The following FOXQ1 variants were observed in gnomAD, a reference collection of about 807,000 sequenced individuals.
FOXQ1 encodes the protein forkhead box Q1.
Under a neutral mutation model 0.6 loss-of-function variants are expected in FOXQ1, and 1 was observed. That is an observed-to-expected ratio of 1.73 (90% CI 0.61 to 8.20). The LOEUF is 8.20. Among genes scored for constraint, FOXQ1 ranks in the 30% most tolerant of loss-of-function variants. The pLI is 0.13. For synonymous variants in FOXQ1, 377 were observed against 294.4 expected (o/e 1.28, Z -2.87); for missense variants, 734 against 595.6 (o/e 1.23, Z -2.42).
Position 1,313,567 on chromosome 6 carries a change from A to G in FOXQ1, c.863A>G (p.Asp288Gly). ...CCCTTCCGCAGCCGCCGCCTCAGGG[A>G]CACGGCCCCCGGGACGACGCTTCAG... ...RKPFRSRRLR[D>G]TAPGTTLQWG... Residue 288 changes from aspartate to glycine, a missense_variant, in exon 1 of 1, where the codon GAC (aspartate) becomes GGC (glycine). By Grantham distance (94) the Asp-to-Gly change is moderately conservative (BLOSUM62 -1). Coordinates refer to ENST00000296839, the MANE Select transcript of FOXQ1 (RefSeq NM_033260.4). The surrounding 1 kb of genome is among the most constrained non-coding windows in gnomAD (Gnocchi z 5.2). The G allele has an allele frequency of 8.1e-7, 1 of 1,241,752 alleles. No homozygotes were observed. The highest frequency in any genetic ancestry group is 1.0e-6 in the Non-Finnish European group (1 of 974,926). The allele number at this position is 1,241,752 out of a possible 1,614,324, so 76.9% of individuals were successfully genotyped here.
In FOXQ1 at chr6:1,314,722, TA is replaced by T. The variant is rs1374136298; in HGVS notation, c.*807del. 6.0e-6 allele frequency: 1 copy of T among 166,698 alleles called. No individual in the cohort carries two copies. The highest frequency in any genetic ancestry group is 6.5e-5 in the Admixed American group (1 of 15,294). The allele number at this position is 166,698 out of a possible 1,614,324, so 10.3% of individuals were successfully genotyped here. A position where few individuals can be genotyped will look rare whatever the true frequency, so the allele number is the denominator to read the frequency against. ...TTTTATGAAACCCAAGCATAGTGCT[TA>T]TTTTTTAATAAAACAACTGACTTAA... On this transcript the variant is annotated 3_prime_UTR_variant, in exon 1 of 1. Coordinates refer to ENST00000296839, the MANE Select transcript of FOXQ1 (RefSeq NM_033260.4).
rs1375498330 is a variant in FOXQ1, at chr6:1,312,766, A to G, written c.62A>G (p.Glu21Gly). ...GGGGACAAGCAGGGCAGTGACCTGG[A>G]GGGCGCGGGCGGCAGCGACGCGCCG... ...AHGDKQGSDLEGAGGSDAPSP... is the reference protein window; with the variant it reads ...AHGDKQGSDLGGAGGSDAPSP... The change falls in exon 1 of 1, where the codon GAG becomes GGG. Residue 21 changes from glutamate to glycine, a missense_variant. Transcript: ENST00000296839. The G allele has an allele frequency of 3.0e-6, 4 of 1,324,192 alleles. No homozygotes were observed. Among genetic ancestry groups the G allele is most frequent in the East Asian group, 6.2e-5 (2 of 32,392 alleles). The allele number at this position is 1,324,192 out of a possible 1,614,324, so 82.0% of individuals were successfully genotyped here.
Position 1,313,373 on chromosome 6 carries a change from C to G in FOXQ1, c.669C>G (p.Pro223=). The change falls in exon 1 of 1, where the codon CCC becomes CCG. Residue 223 remains proline (P), a synonymous_variant. Coordinates refer to ENST00000296839, the MANE Select transcript of FOXQ1 (RefSeq NM_033260.4). This position sits in a 1 kb window ranked among gnomAD's most constrained non-coding sequence, Gnocchi z 5.2. The part of the protein sequence containing the change: ...RKRLSHRAPV[P]APGLRPEEAP... ...GCCTCAGCCACCGCGCGCCGGTCCC[C>G]GCGCCCGGGCTGCGGCCCGAGGAGG... The G allele has an allele frequency of 6.8e-7, 1 of 1,470,790 alleles. No homozygotes were observed. The highest frequency in any genetic ancestry group is 1.3e-5 in the South Asian group (1 of 76,912). 91.1% of individuals were successfully genotyped at this position (1,470,790 alleles called of 1,614,324 possible).
Position 1,312,504 on chromosome 6 carries a change from C to T in FOXQ1, c.-201C>T. 1 of 799,686 alleles carries T rather than the reference C, an allele frequency of 1.3e-6. No homozygotes were observed. Among genetic ancestry groups the T allele is most frequent in the Non-Finnish European group, 1.7e-6 (1 of 593,810 alleles). 49.5% of individuals were successfully genotyped at this position (799,686 alleles called of 1,614,324 possible). A position where few individuals can be genotyped will look rare whatever the true frequency, so the allele number is the denominator to read the frequency against. On this transcript the variant is annotated 5_prime_UTR_variant, in exon 1 of 1. Transcript: ENST00000296839. ...CCTCTCCGCCCCATAGTCCACCCAACACTTGCAGCCCCTCCAGAGAAAAAG... is the reference window on the plus strand; with the variant it reads ...CCTCTCCGCCCCATAGTCCACCCAATACTTGCAGCCCCTCCAGAGAAAAAG...
chr6:1,313,518 GC>G lies in FOXQ1; in HGVS notation c.816del (p.Ile273SerfsTer130). On this transcript the variant is annotated frameshift_variant, in exon 1 of 1. Transcript: ENST00000296839. LOFTEE classifies it low-confidence loss of function (END_TRUNC). This position sits in a 1 kb window ranked among gnomAD's most constrained non-coding sequence, Gnocchi z 5.2. The part of the protein sequence containing the change: ...SPAGKFSSSF[A>X]IDSILRKPFR... ...CGCGGGCAAGTTCTCCAGCTCCTTC[GC>G]CATCGACAGCATCCTGCGCAAGCCC... 8.0e-7 allele frequency: 1 copy of G among 1,252,972 alleles called. No homozygotes were observed. The highest frequency in any genetic ancestry group is 1.0e-6 in the Non-Finnish European group (1 of 976,786). 77.6% of individuals were successfully genotyped at this position (1,252,972 alleles called of 1,614,324 possible).
rs1345523940 is a variant in FOXQ1 at position 1,313,981 on chromosome 6, G to GC, written c.*66dup. On this transcript the variant is annotated 3_prime_UTR_variant, in exon 1 of 1. Transcript: ENST00000296839. This position sits in a 1 kb window ranked among gnomAD's most constrained non-coding sequence, Gnocchi z 5.2. ...CGGGGAGGCGGGAACGCGGGCCCGC[G>GC]CGCGGACTTTGCACTTTGAATCCAG... The GC allele has an allele frequency of 8.3e-7, 1 of 1,211,748 alleles. No homozygotes were observed. The highest frequency in any genetic ancestry group is 1.0e-6 in the Non-Finnish European group (1 of 973,410). 75.1% of individuals were successfully genotyped at this position (1,211,748 alleles called of 1,614,324 possible). A position where few individuals can be genotyped will look rare whatever the true frequency, so the allele number is the denominator to read the frequency against.
In FOXQ1 at chr6:1,314,151, T is replaced by C. The variant is rs1038753375; in HGVS notation, c.*235T>C. Reference sequence around the variant, plus strand: ...AAAGCAATTCTTGTTTTAGTTTCTTTGCGAAGCCTGCTCCTCCTTCCCTTC... The same window carrying C: ...AAAGCAATTCTTGTTTTAGTTTCTTCGCGAAGCCTGCTCCTCCTTCCCTTC... On this transcript the variant is annotated 3_prime_UTR_variant, in exon 1 of 1. Transcript: ENST00000296839. 2.0e-6 allele frequency: 1 copy of C among 491,818 alleles called. No individual in the cohort carries two copies. The highest frequency in any genetic ancestry group is 4.7e-5 in the East Asian group (1 of 21,188). The allele number at this position is 491,818 out of a possible 1,614,324, so 30.5% of individuals were successfully genotyped here.
Position 1,314,078 on chromosome 6 carries a change from C to T in FOXQ1, c.*162C>T. ...AAGCATTTTGACAGGAGTATTTAAACTTAGTCCAGGATATTTTCCTTTGTG... is the reference window on the plus strand; with the variant it reads ...AAGCATTTTGACAGGAGTATTTAAATTTAGTCCAGGATATTTTCCTTTGTG... On this transcript the variant is annotated 3_prime_UTR_variant, in exon 1 of 1. Transcript: ENST00000296839. 3 of 985,924 alleles carry T rather than the reference C, an allele frequency of 3.0e-6. No individual in the cohort carries two copies. The highest frequency in any genetic ancestry group is 3.4e-5 in the African/African-American group (2 of 58,702). 61.1% of individuals were successfully genotyped at this position (985,924 alleles called of 1,614,324 possible).
Position 1,313,773 on chromosome 6 carries a change from G to GC in FOXQ1, c.1074dup (p.Ala359ArgfsTer90), listed in dbSNP as rs1298181283. 1.6e-6 allele frequency: 2 copies of GC among 1,239,802 alleles called. No individual in the cohort carries two copies. Among genetic ancestry groups the GC allele is most frequent in the Admixed American group, 8.2e-5 (2 of 24,444 alleles). The allele number at this position is 1,239,802 out of a possible 1,614,324, so 76.8% of individuals were successfully genotyped here. ...CCTGCTTGCACCTCTCCCGGCGGCGGCCCCCGCCAAGCCACTCCGAGGCCC... is the reference window on the plus strand; with the variant it reads ...CCTGCTTGCACCTCTCCCGGCGGCGGCCCCCCGCCAAGCCACTCCGAGGCCC... On this transcript the variant is annotated frameshift_variant, in exon 1 of 1. Coordinates refer to ENST00000296839, the MANE Select transcript of FOXQ1 (RefSeq NM_033260.4). LOFTEE classifies it low-confidence loss of function (END_TRUNC). This position sits in a 1 kb window ranked among gnomAD's most constrained non-coding sequence, Gnocchi z 5.2.
Position 1,313,807 on chromosome 6 carries a change from G to A in FOXQ1, c.1103G>A (p.Gly368Asp). Residue 368 changes from glycine to aspartate, a missense_variant, in exon 1 of 1, where the codon GGC becomes GAC. Physicochemically the swap from Gly to Asp is moderately conservative, Grantham distance 94 (BLOSUM62 -1). Coordinates refer to ENST00000296839, the MANE Select transcript of FOXQ1 (RefSeq NM_033260.4). The surrounding 1 kb of genome is among the most constrained non-coding windows in gnomAD (Gnocchi z 5.2). ...AAGCCACTCCGAGGCCCGGCGGCCG[G>A]CGGCGCGCACCTGTACTGCCCCCTG... ...PAKPLRGPAA[G>D]GAHLYCPLRL... 1 of 1,278,510 alleles carries A rather than the reference G, an allele frequency of 7.8e-7. No homozygotes were observed. The highest frequency in any genetic ancestry group is 9.8e-7 in the Non-Finnish European group (1 of 1,015,374). The allele number at this position is 1,278,510 out of a possible 1,614,324, so 79.2% of individuals were successfully genotyped here. A position where few individuals can be genotyped will look rare whatever the true frequency, so the allele number is the denominator to read the frequency against.
chr6:1,313,907 C>T lies in FOXQ1; in HGVS notation c.1203C>T (p.Leu401=), dbSNP rs766724860. The change falls in exon 1 of 1, where the codon CTC becomes CTT. Residue 401 remains leucine (L), a synonymous_variant. Transcript: ENST00000296839. The surrounding 1 kb of genome is among the most constrained non-coding windows in gnomAD (Gnocchi z 5.2). ...ACCTGCCGTACCCGGTGGAGACGCT[C>T]CTAGCCTGAGTAGCGCCGCGGGGCC... is the stretch of plus-strand genomic sequence containing the variant. ...GPHLPYPVET[L]LA 1,095 of 1,267,840 alleles carry T rather than the reference C, an allele frequency of 8.6e-4. 1 individual carries two copies. Among genetic ancestry groups the T allele is most frequent in the Non-Finnish European group, 1.0e-3 (1,032 of 1,011,806 alleles). The allele number at this position is 1,267,840 out of a possible 1,614,324, so 78.5% of individuals were successfully genotyped here.
rs1757580705 is a variant in FOXQ1 at position 1,313,302 on chromosome 6, A to G, written c.598A>G (p.Ser200Gly). 6.2e-7 allele frequency: 1 copy of G among 1,600,448 alleles called. No homozygotes were observed. Among genetic ancestry groups the G allele is most frequent in the Non-Finnish European group, 8.5e-7 (1 of 1,174,090 alleles). The change falls in exon 1 of 1, where the codon AGC (serine) becomes GGC (glycine). Residue 200 changes from serine to glycine, a missense_variant. By Grantham distance (56) the Ser-to-Gly change is moderately conservative. Coordinates refer to ENST00000296839, the MANE Select transcript of FOXQ1 (RefSeq NM_033260.4). This position sits in a 1 kb window ranked among gnomAD's most constrained non-coding sequence, Gnocchi z 5.2. The part of the protein sequence containing the change: ...KDNYWMLNPN[S>G]EYTFADGVFR... ...CAACTACTGGATGCTCAACCCCAACAGCGAGTACACCTTCGCCGACGGGGT... is the reference window on the plus strand; with the variant it reads ...CAACTACTGGATGCTCAACCCCAACGGCGAGTACACCTTCGCCGACGGGGT...
chr6:1,314,153 C>A lies in FOXQ1; in HGVS notation c.*237C>A. 2.0e-6 allele frequency: 1 copy of A among 489,108 alleles called. No individual in the cohort carries two copies. Among genetic ancestry groups the A allele is most frequent in the African/African-American group, 2.0e-5 (1 of 49,086 alleles). The allele number at this position is 489,108 out of a possible 1,614,324, so 30.3% of individuals were successfully genotyped here. A position where few individuals can be genotyped will look rare whatever the true frequency, so the allele number is the denominator to read the frequency against. On this transcript the variant is annotated 3_prime_UTR_variant, in exon 1 of 1. Coordinates refer to ENST00000296839, the MANE Select transcript of FOXQ1 (RefSeq NM_033260.4). Reference sequence around the variant, plus strand: ...AGCAATTCTTGTTTTAGTTTCTTTGCGAAGCCTGCTCCTCCTTCCCTTCAT... The same window carrying A: ...AGCAATTCTTGTTTTAGTTTCTTTGAGAAGCCTGCTCCTCCTTCCCTTCAT...
rs1757576905 is a variant in FOXQ1 at position 1,313,085 on chromosome 6, C to G, written c.381C>G (p.Leu127=). 5 of 1,605,698 alleles carry G rather than the reference C, an allele frequency of 3.1e-6. No individual in the cohort carries two copies. The highest frequency in any genetic ancestry group is 2.7e-5 in the African/African-American group (2 of 74,132). Residue 127 remains leucine (L), a synonymous_variant, in exon 1 of 1, where the codon CTC becomes CTG. Coordinates refer to ENST00000296839, the MANE Select transcript of FOXQ1 (RefSeq NM_033260.4). This position sits in a 1 kb window ranked among gnomAD's most constrained non-coding sequence, Gnocchi z 5.2. Reference sequence around the variant, plus strand: ...AGCCCCCCTACTCGTACATCGCGCTCATCGCCATGGCCATCCGCGACTCGG... The same window carrying G: ...AGCCCCCCTACTCGTACATCGCGCTGATCGCCATGGCCATCCGCGACTCGG... ...RPKPPYSYIA[L]IAMAIRDSAG... is the part of the protein sequence containing the mutation.
chr6:1,312,892 A>G lies in FOXQ1; in HGVS notation c.188A>G (p.Asp63Gly), dbSNP rs1161350062. The change falls in exon 1 of 1, where the codon GAC (aspartate) becomes GGC (glycine). Residue 63 changes from aspartate (D) to glycine (G), a missense_variant. Transcript: ENST00000296839. Reference sequence around the variant, plus strand: ...GGCGGCGCCAGAGATACGCAGGGCGACGGCGAACAGAGTGCGGGAGGCGGG... The same window carrying G: ...GGCGGCGCCAGAGATACGCAGGGCGGCGGCGAACAGAGTGCGGGAGGCGGG... ...AGGGARDTQG[D>G]GEQSAGGGPG... The G allele has an allele frequency of 1.6e-6, 2 of 1,280,758 alleles. No homozygotes were observed. Among genetic ancestry groups the G allele is most frequent in the South Asian group, 2.8e-5 (1 of 36,362 alleles). 79.3% of individuals were successfully genotyped at this position (1,280,758 alleles called of 1,614,324 possible).
In FOXQ1 at chr6:1,312,958, C is replaced by T. The variant is rs1757573789; in HGVS notation, c.254C>T (p.Ala85Val). The T allele has an allele frequency of 1.0e-5, 13 of 1,280,640 alleles. No individual in the cohort carries two copies. The highest frequency in any genetic ancestry group is 1.3e-5 in the Non-Finnish European group (13 of 1,017,460). The allele number at this position is 1,280,640 out of a possible 1,614,324, so 79.3% of individuals were successfully genotyped here. A position where few individuals can be genotyped will look rare whatever the true frequency, so the allele number is the denominator to read the frequency against. The change falls in exon 1 of 1, where the codon GCG (alanine) becomes GTG (valine). Residue 85 changes from alanine (A) to valine (V), a missense_variant. Transcript: ENST00000296839. ...GCGATCCCGGCAGCAGCTGCTGCAG[C>T]GGTGGTGGCGGAGGGCGCGGAGGCC... ...EEAIPAAAAA[A>V]VVAEGAEAGA...
rs918756901 is a variant in FOXQ1, at chr6:1,314,615, C to T, written c.*699C>T. The T allele has an allele frequency of 6.0e-6, 1 of 166,876 alleles. No individual in the cohort carries two copies. The highest frequency in any genetic ancestry group is 6.5e-5 in the Admixed American group (1 of 15,280). The allele number at this position is 166,876 out of a possible 1,614,324, so 10.3% of individuals were successfully genotyped here. On this transcript the variant is annotated 3_prime_UTR_variant, in exon 1 of 1. Transcript: ENST00000296839. ...AAAGTTGATTATGTATGTGGGGTGC[C>T]AGGACCACTGCCTTGAAAGCAAGTG...
Position 1,312,752 on chromosome 6 carries a change from G to A in FOXQ1, c.48G>A (p.Gln16=). 2 of 1,347,680 alleles carry A rather than the reference G, an allele frequency of 1.5e-6. No homozygotes were observed. The highest frequency in any genetic ancestry group is 1.9e-6 in the Non-Finnish European group (2 of 1,053,558). 83.5% of individuals were successfully genotyped at this position (1,347,680 alleles called of 1,614,324 possible). Residue 16 remains glutamine (Q), a synonymous_variant, in exon 1 of 1, where the codon CAG becomes CAA. Transcript: ENST00000296839. ...FVPRAAHGDK[Q]GSDLEGAGGS... is the part of the protein sequence containing the mutation. ...CTCGCGCGGCCCACGGGGACAAGCA[G>A]GGCAGTGACCTGGAGGGCGCGGGCG... is the stretch of plus-strand genomic sequence containing the variant.
Position 1,313,561 on chromosome 6 carries a change from T to A in FOXQ1, c.857T>A (p.Leu286His). ...ILRKPFRSRR[L>H]RDTAPGTTLQ... ...CGCAAGCCCTTCCGCAGCCGCCGCC[T>A]CAGGGACACGGCCCCCGGGACGACG... is the stretch of plus-strand genomic sequence containing the variant. The change falls in exon 1 of 1, where the codon CTC (leucine) becomes CAC (histidine). Residue 286 changes from leucine to histidine, a missense_variant. By Grantham distance (99) the Leu-to-His change is moderately conservative (BLOSUM62 -3). Transcript: ENST00000296839. The surrounding 1 kb of genome is among the most constrained non-coding windows in gnomAD (Gnocchi z 5.2). 3.2e-6 allele frequency: 4 copies of A among 1,254,542 alleles called. No individual in the cohort carries two copies. Among genetic ancestry groups the A allele is most frequent in the Non-Finnish European group, 4.1e-6 (4 of 981,420 alleles). The allele number at this position is 1,254,542 out of a possible 1,614,324, so 77.7% of individuals were successfully genotyped here. A position where few individuals can be genotyped will look rare whatever the true frequency, so the allele number is the denominator to read the frequency against.
Sources: allele counts gnomAD v4.1 joint callset, GRCh38; gene constraint gnomAD v4.1.1; non-coding constraint Gnocchi (gnomAD v3.1); transcripts MANE v1.5; gene names NCBI Gene and HGNC (gene_info 2026-07-23, HGNC 2026-07-21).